Variants in CAMTA1 observed in about 807,000 individuals in gnomAD.
The protein encoded by CAMTA1 is calmodulin binding transcription activator 1.
A neutral mutation model predicts 170.9 loss-of-function variants in CAMTA1; 27 were observed. That is an observed-to-expected ratio of 0.16 (90% CI 0.12 to 0.22). The LOEUF (loss-of-function observed/expected upper bound fraction) is 0.22, where lower values mean the gene tolerates loss of function less well. Among genes scored for constraint, CAMTA1 ranks in the 10% least tolerant of loss-of-function variants. The pLI is 1.00. For missense variants in CAMTA1, 1,619 were observed against 2,217.2 expected (o/e 0.73, Z 5.42); for synonymous variants, 833 against 891.5 (o/e 0.93, Z 1.17).
chr1:6,998,822 T>C (rs779969898), intron 3 of CAMTA1, among the ~76,000 whole-genome samples: 6 of 152,262 alleles, frequency 3.9e-5, no homozygotes, highest in Non-Finnish European at 8.8e-5. Context: ...TACCTTTTAT[T>C]GGACATCTAT....
chr1:6,975,882 T>C (rs1467025570), intron 3 of CAMTA1, among the ~76,000 whole-genome samples: 1 of 152,172 alleles, frequency 6.6e-6, no homozygotes, highest in East Asian at 1.9e-4. Flanking sequence ...TTCTAGACAT[T>C]TCATGTAAAC....
At chr1:7,566,219 G>T (rs907101863) in intron 6 of CAMTA1, among the ~76,000 whole-genome samples, 4 of 151,976 alleles carry the variant, frequency 2.6e-5, no homozygotes, top group Non-Finnish European at 5.9e-5. Flanking sequence ...TGGGCCCCTG[G>T]GTGACCCCCA....
chr1:7,425,258 C>T (rs2091814263), intron 5 of CAMTA1, among the ~76,000 whole-genome samples: 2 of 152,202 alleles, frequency 1.3e-5, no homozygotes, highest in African/African-American at 4.8e-5. Flanking sequence ...GCCCAAAGCT[C>T]AGGGAAGACA....
intron 4 of CAMTA1, among the ~76,000 whole-genome samples, chr1:7,131,793 C>G (rs1484383884): frequency 4.6e-5 from 7 of 152,094 alleles, no homozygotes; most frequent in Non-Finnish European, 1.0e-4. Flanking sequence ...TGGTGGCTCA[C>G]GCTTGTAATC....
At chr1:7,159,206 TA>T (rs1169730028) in intron 4 of CAMTA1, among the ~76,000 whole-genome samples, 32 of 152,154 alleles carry the variant, frequency 2.1e-4, no homozygotes, top group Non-Finnish European at 8.8e-5. Context: ...CAGGGTGAGC[TA>T]GAGTTCAGGA....
intron 3 of CAMTA1, among the ~76,000 whole-genome samples, chr1:7,030,101 CTT>C (rs954238418): frequency 2.0e-5 from 3 of 152,166 alleles, no homozygotes; most frequent in African/African-American, 7.2e-5. Context: ...GAATATTTCT[CTT>C]TGTTACTATA....
intron 3 of CAMTA1, among the ~76,000 whole-genome samples, chr1:6,881,859 C>T (rs373062378): frequency 6.6e-5 from 10 of 152,036 alleles, no homozygotes; most frequent in Non-Finnish European, 1.2e-4. Context: ...CTCAGCTATA[C>T]GGGAGGCTGA....
intron 3 of CAMTA1, among the ~76,000 whole-genome samples, chr1:6,916,570 T>C (rs973126625): frequency 3.3e-5 from 5 of 152,228 alleles, no homozygotes; most frequent in Admixed American, 3.3e-4. Flanking sequence ...ACTGATTTTC[T>C]AGGTTCCATG....
At chr1:7,658,252 G>A (rs1455422104) in intron 7 of CAMTA1, among the ~76,000 whole-genome samples, 1 of 152,234 alleles carries the variant, frequency 6.6e-6, no homozygotes, top group Non-Finnish European at 1.5e-5. Flanking sequence ...AGAGGCTCCC[G>A]TGATGAGCTC....
intron 3 of CAMTA1, among the ~76,000 whole-genome samples, chr1:6,828,399 C>G (rs1648136319): frequency 6.9e-6 from 1 of 144,584 alleles, no homozygotes; most frequent in Non-Finnish European, 1.5e-5. Context: ...TCAAGCGGTT[C>G]TCCTGCCTCA....
chr1:6,823,036 A>G (rs1646698409), intron 2 of CAMTA1, among the ~76,000 whole-genome samples: 1 of 152,232 alleles, frequency 6.6e-6, no homozygotes, highest in African/African-American at 2.4e-5. Context: ...AAGCCCATCC[A>G]TTGAGCAACC....
At chr1:6,788,555 T>G (rs1640099998) in intron 1 of CAMTA1, among the ~76,000 whole-genome samples, 1 of 152,202 alleles carries the variant, frequency 6.6e-6, no homozygotes. Context: ...TGTAGTCAGC[T>G]TGATGGGATT....
Position 7,584,521 on chromosome 1 carries a change from G to C in CAMTA1, c.511-55879G>C, listed in dbSNP as rs545895575. Among the ~76,000 whole-genome samples the C allele has an allele frequency of 3.9e-5, 6 of 152,262 alleles. No homozygotes were observed. The East Asian group carries it at 1.2e-3, about 29-fold the overall frequency. ...CGAGTTTGGGCCGAGTCAAGCAGAGGACTCAGTAGACCCTAACTAAAGTTT... is the reference window on the plus strand; with the variant it reads ...CGAGTTTGGGCCGAGTCAAGCAGAGCACTCAGTAGACCCTAACTAAAGTTT... On this transcript the variant is annotated intron_variant, in intron 6 of 22. Transcript: ENST00000303635.
chr1:7,307,330 G>T (rs1675745472), intron 5 of CAMTA1, among the ~76,000 whole-genome samples: 1 of 21,902 alleles, frequency 4.6e-5, no homozygotes, highest in South Asian at 1.0e-3. Context: ...TTGAGTTCTA[G>T]GATTTTTTTT....
At chr1:7,262,952 G>A (rs1668387766) in intron 5 of CAMTA1, among the ~76,000 whole-genome samples, 2 of 152,178 alleles carry the variant, frequency 1.3e-5, no homozygotes, top group African/African-American at 2.4e-5. Flanking sequence ...GTGCAGAACC[G>A]ATCACACTTG....
At chr1:7,375,952 A>C (rs967299009) in intron 5 of CAMTA1, among the ~76,000 whole-genome samples, 1 of 152,192 alleles carries the variant, frequency 6.6e-6, no homozygotes, top group Non-Finnish European at 1.5e-5. Flanking sequence ...TGCTCTTCCC[A>C]GGTGGGGCCC....
intron 3 of CAMTA1, among the ~76,000 whole-genome samples, chr1:6,926,100 G>A (rs948951258): frequency 6.6e-6 from 1 of 152,246 alleles, no homozygotes; most frequent in African/African-American, 2.4e-5. Context: ...AGGGCAAAGA[G>A]GGCTGTTAGG....
chr1:7,142,197 G>A (rs1645929677), intron 4 of CAMTA1: 3 of 513,950 alleles, frequency 5.8e-6, no homozygotes, highest in South Asian at 4.3e-5. Flanking sequence ...CAGAATGAAT[G>A]GCCAAAGAGG....
intron 11 of CAMTA1, among the ~76,000 whole-genome samples, chr1:7,706,342 T>C (rs551759147): frequency 1.3e-5 from 2 of 152,356 alleles, no homozygotes; most frequent in East Asian, 3.9e-4. Context: ...AACCCCTGAC[T>C]TTTTAAAATT....
Sources: gnomAD v4.1 joint callset for allele counts (sites outside exome capture counted in the v4.1 genomes callset) on GRCh38, gnomAD v4.1.1 for gene constraint, MANE v1.5 for transcripts, NCBI Gene and HGNC (gene_info 2026-07-23, HGNC 2026-07-21) for gene names.